LRRK2: variants seen among roughly 807,000 people sequenced by gnomAD.
LRRK2 encodes leucine rich repeat kinase 2, also known as leucine-rich repeat serine/threonine-protein kinase 2.
A neutral mutation model predicts 302.6 loss-of-function variants in LRRK2; 203 were observed. The ratio of observed to expected loss-of-function variants is 0.67; its 90% CI spans 0.60 to 0.75. LRRK2 has a LOEUF of 0.75. Among genes scored for constraint, LRRK2 ranks in the 30% least tolerant of loss-of-function variants. The probability of loss-of-function intolerance (pLI) is 0.00; values close to 1 mark genes in which losing one functional copy is unlikely to be tolerated. For missense variants in LRRK2, 2,830 were observed against 2,951.0 expected (o/e 0.96, Z 0.95); for synonymous variants, 1,066 against 1,031.9 (o/e 1.03, Z -0.63).
At chr12:40,249,679 T>C in intron 7 of LRRK2, 147 bp from the exon 8 acceptor site, 1 of 874,312 alleles carries the variant, frequency 1.1e-6, no homozygotes, top group South Asian at 1.6e-5. Context: ...TACTCAATCA[T>C]ATTAAGCTAT....
rs1340389133 is a variant in LRRK2 at position 40,354,425 on chromosome 12, A to G, written c.6703A>G (p.Arg2235Gly). ...CATCAATACCGAAGATGGGAAAAAG[A>G]GACATACCCTAGAAAAGATGACTGA... ...LVINTEDGKK[R>G]HTLEKMTDSV... Residue 2235 changes from arginine to glycine, a missense_variant, in exon 45 of 51, where the codon AGA (arginine) becomes GGA (glycine). Arg to Gly is a moderately radical substitution (Grantham distance 125). Around this residue, in one of 3 missense-constraint regions of LRRK2, gnomAD observed 456 missense variants for 456.3 expected, o/e 1.00. Transcript: ENST00000298910. 6.2e-7 allele frequency: 1 copy of G among 1,614,064 alleles called. No homozygotes were observed.
intron 7 of LRRK2, among the ~76,000 whole-genome samples, chr12:40,244,578 T>G (rs1214814267): frequency 6.6e-6 from 1 of 152,130 alleles, no homozygotes; most frequent in Admixed American, 6.6e-5. Context: ...TATGTCCTTC[T>G]TTGTGAAATA....
chr12:40,357,181 C>T (rs1302676003), intron 46 of LRRK2, among the ~76,000 whole-genome samples: 3 of 152,148 alleles, frequency 2.0e-5, no homozygotes, highest in Middle Eastern at 3.2e-3. Context: ...TGAGTGAGTA[C>T]ATGTGATATT....
Position 40,363,803 on chromosome 12 carries a change from ATAC to A in LRRK2, c.7181+253_7181+255del, listed in dbSNP as rs377352675. ...TTACAAAGAATGTTCTCGAATGAAA[ATAC>A]TACATTATTGAAAATGAGCATATTG... is the stretch of plus-strand genomic sequence containing the variant. On this transcript the variant is annotated intron_variant, in intron 48 of 50. Coordinates refer to ENST00000298910, the MANE Select transcript of LRRK2 (RefSeq NM_198578.4). 7.4e-3 allele frequency among the ~76,000 whole-genome samples: 1,127 copies of A among 152,190 alleles called. 18 individuals are homozygous for A. The highest frequency in any genetic ancestry group is 0.026 in the African/African-American group (1,086 of 41,542).
chr12:40,358,411 TGA>T (rs1431465846), intron 46 of LRRK2, among the ~76,000 whole-genome samples: 3 of 152,178 alleles, frequency 2.0e-5, no homozygotes, highest in Non-Finnish European at 2.9e-5. Flanking sequence ...TTGTAAATGG[TGA>T]GAGAGTGGGG....
chr12:40,264,019 G>T (rs1383066188), intron 14 of LRRK2, 118 bp downstream of exon 14: 1 of 726,304 alleles, frequency 1.4e-6, no homozygotes, highest in Non-Finnish European at 2.4e-6. Flanking sequence ...ATAGGAGGAA[G>T]TCATGTGGTT....
chr12:40,309,891 G>A (rs1019474338), intron 30 of LRRK2, among the ~76,000 whole-genome samples: 4 of 152,086 alleles, frequency 2.6e-5, no homozygotes, highest in African/African-American at 7.2e-5. Flanking sequence ...TGTAATTTGG[G>A]TATTTTTTAA....
rs918710347 is a variant in LRRK2 at position 40,238,017 on chromosome 12, T to C, written c.485T>C (p.Leu162Ser). The C allele has an allele frequency of 1.9e-6, 3 of 1,613,318 alleles. No individual in the cohort carries two copies. The highest frequency in any genetic ancestry group is 2.7e-5 in the African/African-American group (2 of 74,914). Residue 162 changes from leucine to serine, a missense_variant, in exon 5 of 51, where the codon TTA becomes TCA. Physicochemically the swap from Leu to Ser is moderately radical, Grantham distance 145 (BLOSUM62 -2). Transcript: ENST00000298910. ...GATGAAGAAAGTGATATTTTCATGT[T>C]AATTTTTGATGCCATGCACTCATTT... is the stretch of plus-strand genomic sequence containing the variant. The part of the protein sequence containing the change: ...ILDEESDIFM[L>S]IFDAMHSFPA...
In LRRK2 at chr12:40,290,839, A is replaced by G. The variant is rs1469448312; in HGVS notation, c.2690-2706A>G. On this transcript the variant is annotated intron_variant, in intron 20 of 50. Coordinates refer to ENST00000298910, the MANE Select transcript of LRRK2 (RefSeq NM_198578.4). Reference sequence around the variant, plus strand: ...CTTTATTGTTCCCTTTTCCTTACTTATTTTTATTTTAATTGACTCTTTTTA... The same window carrying G: ...CTTTATTGTTCCCTTTTCCTTACTTGTTTTTATTTTAATTGACTCTTTTTA... 5.9e-5 allele frequency among the ~76,000 whole-genome samples: 9 copies of G among 151,348 alleles called. No individual in the cohort carries two copies. In the Admixed American group the frequency reaches 6.0e-4, roughly 10 times the overall value.
chr12:40,246,770 A>G (rs1296005277), intron 7 of LRRK2, among the ~76,000 whole-genome samples: 1 of 152,136 alleles, frequency 6.6e-6, no homozygotes, highest in African/African-American at 2.4e-5. Context: ...CTTACCTTGC[A>G]GAGAGTCTGA....
chr12:40,283,782 G>A, intron 18 of LRRK2, 93 bp from the exon 19 acceptor site: 12 of 1,085,552 alleles, frequency 1.1e-5, no homozygotes, highest in Non-Finnish European at 1.6e-5. Flanking sequence ...AATTGGAGAT[G>A]TAGAGAAAAA....
intron 43 of LRRK2, among the ~76,000 whole-genome samples, chr12:40,350,545 A>G (rs1030034198): frequency 1.3e-5 from 2 of 152,216 alleles, no homozygotes; most frequent in African/African-American, 4.8e-5. Flanking sequence ...ACACTGATAC[A>G]CATTTTAATA....
At chr12:40,265,449 G>A (rs190213510) in intron 14 of LRRK2, among the ~76,000 whole-genome samples, 1 of 152,262 alleles carries the variant, frequency 6.6e-6, no homozygotes, top group Admixed American at 6.5e-5. Context: ...AGAATTCAGG[G>A]TGGGCTTACT....
chr12:40,246,440 T>A (rs1941988204), intron 7 of LRRK2, among the ~76,000 whole-genome samples: 1 of 152,134 alleles, frequency 6.6e-6, no homozygotes, highest in South Asian at 2.1e-4. Context: ...CTCTTGTTTT[T>A]TCTTTTTTAC....
chr12:40,240,163 C>A (rs950402300), intron 5 of LRRK2, among the ~76,000 whole-genome samples: 4 of 152,126 alleles, frequency 2.6e-5, no homozygotes, highest in Non-Finnish European at 5.9e-5. Flanking sequence ...CTTTATTAGT[C>A]ACTGTCAGTT....
intron 13 of LRRK2, among the ~76,000 whole-genome samples, chr12:40,263,187 A>G (rs1445624586): frequency 6.6e-6 from 1 of 152,186 alleles, no homozygotes; most frequent in Non-Finnish European, 1.5e-5. Context: ...TATATGTTAC[A>G]TTACCACATT....
At chr12:40,246,570 G>T (rs1260558555) in intron 7 of LRRK2, among the ~76,000 whole-genome samples, 1 of 152,032 alleles carries the variant, frequency 6.6e-6, no homozygotes, top group African/African-American at 2.4e-5. Flanking sequence ...ACTGCTTCTA[G>T]GCTGACTGCC....
chr12:40,340,947 C>T (rs548993790), intron 41 of LRRK2, among the ~76,000 whole-genome samples: 4 of 152,298 alleles, frequency 2.6e-5, no homozygotes, highest in South Asian at 4.1e-4. Context: ...ATTTCTCATG[C>T]TCAGTGTGAA....
At position 40,243,657 on chromosome 12, in the gene LRRK2, T is replaced by A. The variant is rs1415948109; in HGVS notation, c.814T>A (p.Cys272Ser). Residue 272 changes from cysteine to serine, a missense_variant, in exon 7 of 51, where the codon TGT becomes AGT. This residue lies in a region of LRRK2 where 2,121 missense variants were observed against 2,148.0 expected (regional missense o/e 0.99). Coordinates refer to ENST00000298910, the MANE Select transcript of LRRK2 (RefSeq NM_198578.4). ...MSERIQEVSC[C>S]LLHRLTLGNF... is the part of the protein sequence containing the mutation. Reference sequence around the variant, plus strand: ...TGAAAGAATTCAAGAAGTGAGTTGCTGTTTGCTCCATAGGCTTACATTAGG... The same window carrying A: ...TGAAAGAATTCAAGAAGTGAGTTGCAGTTTGCTCCATAGGCTTACATTAGG... The A allele has an allele frequency of 8.7e-6, 14 of 1,611,852 alleles. No individual in the cohort carries two copies. Among genetic ancestry groups the A allele is most frequent in the Non-Finnish European group, 1.1e-5 (13 of 1,178,564 alleles).
Sources: allele counts gnomAD v4.1 joint callset (sites outside exome capture counted in the v4.1 genomes callset), GRCh38; gene constraint gnomAD v4.1.1; regional missense constraint gnomAD v4.1.1; transcripts MANE v1.5; gene names NCBI Gene and HGNC (gene_info 2026-07-23, HGNC 2026-07-21).